The following ABCA13 variants were observed in gnomAD, a reference collection of about 807,000 sequenced individuals.
The protein encoded by ABCA13 is ATP-binding cassette sub-family A member 13.
In ABCA13, 476 loss-of-function variants were observed where a neutral mutation model predicts 478.7. The ratio of observed to expected loss-of-function variants is 0.99; its 90% CI spans 0.92 to 1.07. The LOEUF is 1.07. Ranked by LOEUF, ABCA13 falls within the 50% of genes least tolerant of loss-of-function variation. The probability of loss-of-function intolerance (pLI) is 0.00; values close to 1 mark genes in which losing one functional copy is unlikely to be tolerated. For synonymous variants in ABCA13, 2,252 were observed against 2,158.9 expected, an observed-to-expected ratio of 1.04 and a Z score of -1.20; for missense variants, 6,060 against 5,910.6, an observed-to-expected ratio of 1.03 and a Z score of -0.83.
In ABCA13 at chr7:48,528,401, C is replaced by T. The variant is rs117271161; in HGVS notation, c.14354+56C>T. The T allele has an allele frequency of 3.4e-3, 4,196 of 1,221,072 alleles. 13 individuals carry two copies. The highest frequency in any genetic ancestry group is 4.2e-3 in the Non-Finnish European group (3,818 of 911,504). 75.6% of individuals were successfully genotyped at this position (1,221,072 alleles called of 1,614,324 possible). A position where few individuals can be genotyped will look rare whatever the true frequency, so the allele number is the denominator to read the frequency against. On this transcript the variant is annotated intron_variant, in intron 55 of 61. Coordinates refer to ENST00000435803, the MANE Select transcript of ABCA13 (RefSeq NM_152701.5). ...TTAAAGAGATAATAAGCCCAGAGAA[C>T]CCCCAGCATTTTCCCTCAGTCCCGT...
intron 19 of ABCA13, among the ~76,000 whole-genome samples, chr7:48,282,802 C>T (rs982187515): frequency 2.0e-5 from 3 of 152,152 alleles, no homozygotes; most frequent in Admixed American, 6.5e-5. Context: ...CTCTTACCAC[C>T]GTGTGCTATT....
At chr7:48,232,873 T>C (rs1394379471) in intron 7 of ABCA13, among the ~76,000 whole-genome samples, 1 of 152,192 alleles carries the variant, frequency 6.6e-6, no homozygotes, top group African/African-American at 2.4e-5. Flanking sequence ...AATCAGAGGC[T>C]TAATCTAACA....
At chr7:48,246,118 A>G in intron 13 of ABCA13, 88 bp downstream of exon 13, 1 of 1,418,500 alleles carries the variant, frequency 7.0e-7, no homozygotes, top group South Asian at 1.5e-5. Flanking sequence ...TGGAGTTTCG[A>G]TGAGGAAAGT....
intron 55 of ABCA13, among the ~76,000 whole-genome samples, chr7:48,529,394 A>C (rs17132444): frequency 0.067 from 10,239 of 152,136 alleles, 441 homozygotes; most frequent in African/African-American, 0.11. Flanking sequence ...GCACTGTGTT[A>C]CAAGGCCCCA....
rs77064446 is a variant in ABCA13 at position 48,300,788 on chromosome 7, C to T, written c.9321+2301C>T. Among the ~76,000 whole-genome samples, 847 of 152,274 alleles carry T rather than the reference C, an allele frequency of 5.6e-3. 2 individuals are homozygous for T. The highest frequency in any genetic ancestry group is 0.024 in the Middle Eastern group (7 of 294). On this transcript the variant is annotated intron_variant, in intron 23 of 61. Coordinates refer to ENST00000435803, the MANE Select transcript of ABCA13 (RefSeq NM_152701.5). ...TAATATCAGCATCACCCAATTAAAACCACAAATCACAGGGGCTTCCTGGAC... is the reference window on the plus strand; with the variant it reads ...TAATATCAGCATCACCCAATTAAAATCACAAATCACAGGGGCTTCCTGGAC...
chr7:48,507,748 T>A, intron 49 of ABCA13, 124 bp from the exon 50 acceptor site: 2 of 1,155,666 alleles, frequency 1.7e-6, no homozygotes, highest in Non-Finnish European at 2.4e-6. Flanking sequence ...TTAGCCAACA[T>A]GCCTGGCTGA....
intron 24 of ABCA13, 71 bp downstream of exon 24, chr7:48,310,212 T>G: frequency 6.6e-7 from 1 of 1,508,802 alleles, no homozygotes. Context: ...ATAAGTACAG[T>G]AGTCCTAGGG....
At chr7:48,283,383 G>T (rs900540180) in intron 19 of ABCA13, among the ~76,000 whole-genome samples, 5 of 152,108 alleles carry the variant, frequency 3.3e-5, no homozygotes, top group African/African-American at 1.2e-4. Context: ...AGAAGCTAAA[G>T]TATGGCCATG....
chr7:48,350,489 T>C (rs1808791284), intron 29 of ABCA13, among the ~76,000 whole-genome samples, 154 bp from the exon 30 acceptor site: 1 of 152,212 alleles, frequency 6.6e-6, no homozygotes, highest in Non-Finnish European at 1.5e-5. Flanking sequence ...ATGCCAAATT[T>C]CACATATGAC....
At chr7:48,212,618 T>C (rs557505325) in intron 3 of ABCA13, among the ~76,000 whole-genome samples, 2 of 152,354 alleles carry the variant, frequency 1.3e-5, no homozygotes, top group South Asian at 4.1e-4. Flanking sequence ...TTCTCTTTAA[T>C]TTTAGCCATT....
At chr7:48,558,744 T>C (rs1384265684) in intron 55 of ABCA13, among the ~76,000 whole-genome samples, 1 of 152,262 alleles carries the variant, frequency 6.6e-6, no homozygotes. Flanking sequence ...CTATTTTGAA[T>C]TATCTATGTG....
At chr7:48,512,746 A>G (rs1831800397) in intron 51 of ABCA13, among the ~76,000 whole-genome samples, 1 of 77,830 alleles carries the variant, frequency 1.3e-5, no homozygotes. Context: ...TTTGAATTAA[A>G]CTAAGAATTC....
chr7:48,362,149 A>G (rs1810952162), intron 31 of ABCA13, among the ~76,000 whole-genome samples: 1 of 151,926 alleles, frequency 6.6e-6, no homozygotes, highest in Non-Finnish European at 1.5e-5. Flanking sequence ...TATTTTTGTT[A>G]TGTAGGATTT....
intron 29 of ABCA13, among the ~76,000 whole-genome samples, chr7:48,340,413 A>G (rs895998752): frequency 3.3e-5 from 5 of 152,114 alleles, no homozygotes; most frequent in African/African-American, 4.8e-5. Context: ...GCCTCATTAT[A>G]TAACTTTAAA....
At chr7:48,449,409 T>C (rs79220897) in intron 42 of ABCA13, among the ~76,000 whole-genome samples, 6,100 of 152,240 alleles carry the variant, frequency 0.04, 147 homozygotes, top group East Asian at 0.12. Context: ...AATAAGACAA[T>C]TCAGTAATGG....
rs373970646 is a variant in ABCA13, at chr7:48,550,319, C to T, written c.14354+21974C>T. 4.7e-5 allele frequency among the ~76,000 whole-genome samples: 7 copies of T among 148,686 alleles called. No homozygotes were observed. The South Asian group carries it at 6.3e-4, about 13-fold the overall frequency. Reference sequence around the variant, plus strand: ...TTGCCCAGGCTGGATTGCAGTGGTGCGATGTCAGCTCATTGCAACCTCTCC... The same window carrying T: ...TTGCCCAGGCTGGATTGCAGTGGTGTGATGTCAGCTCATTGCAACCTCTCC... On this transcript the variant is annotated intron_variant, in intron 55 of 61. Transcript: ENST00000435803.
intron 41 of ABCA13, among the ~76,000 whole-genome samples, chr7:48,415,880 A>G (rs949463726): frequency 3.3e-5 from 5 of 152,218 alleles, no homozygotes; most frequent in Non-Finnish European, 7.3e-5. Flanking sequence ...ATTCATAACC[A>G]TAGCACATGT....
intron 1 of ABCA13, among the ~76,000 whole-genome samples, chr7:48,173,783 T>C (rs544520622): frequency 6.6e-6 from 1 of 152,382 alleles, no homozygotes; most frequent in Non-Finnish European, 1.5e-5. Context: ...TTTTCTTCTC[T>C]GTAAAATGAA....
intron 55 of ABCA13, among the ~76,000 whole-genome samples, chr7:48,560,470 G>C (rs1370262384): frequency 6.6e-6 from 1 of 152,130 alleles, no homozygotes; most frequent in Non-Finnish European, 1.5e-5. Flanking sequence ...GTGATATGAA[G>C]TTAAAACCAG....
Sources: allele counts gnomAD v4.1 joint callset (sites outside exome capture counted in the v4.1 genomes callset), GRCh38; gene constraint gnomAD v4.1.1; transcripts MANE v1.5; gene names NCBI Gene and HGNC (gene_info 2026-07-23, HGNC 2026-07-21).